ENPP1: variants seen among roughly 807,000 people sequenced by gnomAD.
ENPP1 encodes the protein ectonucleotide pyrophosphatase/phosphodiesterase family member 1.
A neutral mutation model predicts 122.8 loss-of-function variants in ENPP1; 73 were observed. The ratio of observed to expected loss-of-function variants is 0.59; its 90% CI spans 0.49 to 0.72. The LOEUF (loss-of-function observed/expected upper bound fraction) is 0.72, where lower values mean the gene tolerates loss of function less well. Among genes scored for constraint, ENPP1 ranks in the 30% least tolerant of loss-of-function variants. ENPP1 has a pLI of 0.00. For missense variants in ENPP1, 978 were observed against 1,128.1 expected (o/e 0.87, Z 1.91); for synonymous variants, 367 against 391.6 (o/e 0.94, Z 0.74).
Position 131,850,061 on chromosome 6 carries a change from C to A in ENPP1, c.385C>A (p.Leu129Ile). The A allele has an allele frequency of 6.2e-7, 1 of 1,613,878 alleles. No homozygotes were observed. ...TCGCTGTGATGCTGCCTGTGTTGAGCTTGGAAACTGCTGTTTAGATTACCA... is the reference window on the plus strand; with the variant it reads ...TCGCTGTGATGCTGCCTGTGTTGAGATTGGAAACTGCTGTTTAGATTACCA... ...NCRCDAACVE[L>I]GNCCLDYQET... The change falls in exon 3 of 25, where the codon CTT becomes ATT. Residue 129 changes from leucine to isoleucine, a missense_variant. Physicochemically the swap from Leu to Ile is conservative, Grantham distance 5 (BLOSUM62 2). Transcript: ENST00000647893.
chr6:131,879,820 A>G, intron 19 of ENPP1, 60 bp from the exon 20 acceptor site: 1 of 1,439,322 alleles, frequency 6.9e-7, no homozygotes, highest in Non-Finnish European at 9.8e-7. Context: ...TGAGTGTATC[A>G]CACTATATAT....
intron 23 of ENPP1, among the ~76,000 whole-genome samples, 181 bp downstream of exon 23, chr6:131,885,244 T>C (rs944237275): frequency 2.0e-5 from 3 of 152,216 alleles, no homozygotes; most frequent in African/African-American, 7.2e-5. Flanking sequence ...TTGCTCAATG[T>C]TCAGTAAAAT....
intron 1 of ENPP1, among the ~76,000 whole-genome samples, chr6:131,831,114 C>CAAAA (rs3036850): frequency 0.044 from 2,621 of 59,700 alleles, 153 homozygotes; most frequent in East Asian, 0.11. Flanking sequence ...GCCCATCTCT[C>CAAAA]AAAAAAAAAA....
chr6:131,855,756 CTTTT>C (rs200014818), intron 6 of ENPP1, among the ~76,000 whole-genome samples: 1 of 140,740 alleles, frequency 7.1e-6, no homozygotes, highest in Admixed American at 7.2e-5. Flanking sequence ...TGGACTCTTC[CTTTT>C]TTTTTTTTTT....
intron 21 of ENPP1, among the ~76,000 whole-genome samples, 197 bp downstream of exon 21, chr6:131,882,671 A>G (rs1782328298): frequency 6.8e-6 from 1 of 147,524 alleles, no homozygotes; most frequent in Non-Finnish European, 1.5e-5. Context: ...ATAGCTATAT[A>G]TATATAGCTT....
At chr6:131,882,227 C>A in intron 20 of ENPP1, 118 bp from the exon 21 acceptor site, 1 of 791,968 alleles carries the variant, frequency 1.3e-6, no homozygotes, top group Non-Finnish European at 2.1e-6. Flanking sequence ...TAGGGAAGGA[C>A]ATGAGCTGAC....
intron 8 of ENPP1, 131 bp from the exon 9 acceptor site, chr6:131,861,464 G>C (rs552107434): frequency 1.4e-6 from 1 of 704,044 alleles, no homozygotes; most frequent in African/African-American, 1.7e-5. Flanking sequence ...TGTCATCTAA[G>C]TGCTGAAGCT....
intron 24 of ENPP1, among the ~76,000 whole-genome samples, chr6:131,889,754 C>A (rs559036536): frequency 6.6e-6 from 1 of 152,052 alleles, no homozygotes; most frequent in Non-Finnish European, 1.5e-5. Flanking sequence ...TGAACATATG[C>A]GTGCGTGTAT....
intron 5 of ENPP1, 22 bp from the exon 6 acceptor site, chr6:131,854,904 T>C: frequency 6.5e-7 from 1 of 1,547,528 alleles, no homozygotes; most frequent in Non-Finnish European, 8.9e-7. Context: ...TTAAACATTT[T>C]TTTTTCTTTT....
intron 1 of ENPP1, among the ~76,000 whole-genome samples, chr6:131,841,358 T>C (rs1163599399): frequency 6.6e-6 from 1 of 152,162 alleles, no homozygotes; most frequent in Non-Finnish European, 1.5e-5. Flanking sequence ...GCAACTTTGG[T>C]CAAAGATCAG....
At chr6:131,888,408 T>C (rs1365096035) in intron 24 of ENPP1, among the ~76,000 whole-genome samples, 1 of 152,126 alleles carries the variant, frequency 6.6e-6, no homozygotes, top group African/African-American at 2.4e-5. Flanking sequence ...ATTCATTCAC[T>C]ACTACTTTGA....
chr6:131,817,027 G>A (rs949761360), intron 1 of ENPP1, among the ~76,000 whole-genome samples: 1 of 152,178 alleles, frequency 6.6e-6, no homozygotes, highest in Non-Finnish European at 1.5e-5. Context: ...GATTTGGAAT[G>A]GACCCAAAGA....
chr6:131,891,713 T>G lies in ENPP1; in HGVS notation c.*1202T>G, dbSNP rs569543035. 1 of 151,796 alleles carries G rather than the reference T, an allele frequency of 6.6e-6. No homozygotes were observed. Among genetic ancestry groups the G allele is most frequent in the East Asian group, 1.9e-4 (1 of 5,176 alleles). 9.4% of individuals were successfully genotyped at this position (151,796 alleles called of 1,614,324 possible). A position where few individuals can be genotyped will look rare whatever the true frequency, so the allele number is the denominator to read the frequency against. The stretch of plus-strand genomic sequence containing the variant: ...GCAAAGACTTTTGGAAAATACAATT[T>G]ACAACTCAAAATTATTTAATAATTT... On this transcript the variant is annotated 3_prime_UTR_variant, in exon 25 of 25. Coordinates refer to ENST00000647893, the MANE Select transcript of ENPP1 (RefSeq NM_006208.3).
At chr6:131,841,769 G>C (rs1303223959) in intron 1 of ENPP1, among the ~76,000 whole-genome samples, 1 of 152,178 alleles carries the variant, frequency 6.6e-6, no homozygotes, top group Non-Finnish European at 1.5e-5. Context: ...AGCATGGTAA[G>C]AGCTGCAGTA....
intron 1 of ENPP1, among the ~76,000 whole-genome samples, chr6:131,846,451 TC>T (rs1781812134): frequency 1.3e-5 from 2 of 152,084 alleles, no homozygotes; most frequent in Admixed American, 6.6e-5. Flanking sequence ...TCTCTTTCCT[TC>T]CTCCAGTTCC....
intron 13 of ENPP1, among the ~76,000 whole-genome samples, chr6:131,870,236 A>G (rs1782144505): frequency 6.6e-6 from 1 of 152,230 alleles, no homozygotes; most frequent in Admixed American, 6.5e-5. Flanking sequence ...GGCAGAAATG[A>G]TTAATTCTAT....
intron 1 of ENPP1, among the ~76,000 whole-genome samples, chr6:131,831,847 T>C (rs1190169029): frequency 6.6e-6 from 1 of 152,246 alleles, no homozygotes; most frequent in Non-Finnish European, 1.5e-5. Flanking sequence ...CTTTCCATAC[T>C]GTACCTTTGG....
intron 24 of ENPP1, among the ~76,000 whole-genome samples, chr6:131,887,390 A>C (rs1782394605): frequency 6.7e-6 from 1 of 149,242 alleles, no homozygotes. Flanking sequence ...ATAACATTTT[A>C]GCAATTTTTT....
intron 1 of ENPP1, chr6:131,828,046 C>G (rs746510745): frequency 4.5e-5 from 30 of 665,006 alleles, no homozygotes; most frequent in African/African-American, 3.4e-4. Context: ...GCAAGAGCAC[C>G]AGGTAGGGGA....
Sources: gnomAD v4.1 joint callset for allele counts (sites outside exome capture counted in the v4.1 genomes callset) on GRCh38, gnomAD v4.1.1 for gene constraint, MANE v1.5 for transcripts, NCBI Gene and HGNC (gene_info 2026-07-23, HGNC 2026-07-21) for gene names.